The following IL33 variants were observed in gnomAD, a reference collection of about 807,000 sequenced individuals.
IL33 encodes interleukin-33.
IL33 carries 37 observed loss-of-function variants against 27.3 expected under a neutral mutation model. The observed-to-expected ratio is 1.36, with a 90% CI of 1.04 to 1.78. The LOEUF (loss-of-function observed/expected upper bound fraction) is 1.78. IL33 is among the 40% of genes most tolerant of loss of function. The pLI is 0.00. For missense variants in IL33, 406 were observed against 311.4 expected (o/e 1.30, Z -2.29); for synonymous variants, 132 against 102.9 (o/e 1.28, Z -1.71).
intron 2 of IL33, chr9:6,242,211 G>A (rs551848946): frequency 4.6e-5 from 7 of 152,652 alleles, no homozygotes; most frequent in South Asian, 2.1e-4. Context: ...CTTAACTTGC[G>A]ACTACTGATG....
chr9:6,218,600 A>G (rs1051634624), intron 1 of IL33, among the ~76,000 whole-genome samples: 1 of 149,480 alleles, frequency 6.7e-6, no homozygotes, highest in African/African-American at 2.4e-5. Flanking sequence ...ATATGCATAT[A>G]TATATATACA....
At chr9:6,243,241 G>A (rs1364449327) in intron 2 of IL33, among the ~76,000 whole-genome samples, 1 of 152,198 alleles carries the variant, frequency 6.6e-6, no homozygotes, top group East Asian at 1.9e-4. Flanking sequence ...AGAGTTTGTA[G>A]TAAGACAGAA....
chr9:6,257,680 C>T lies in IL33; in HGVS notation c.*1512C>T, dbSNP rs12057079. 1 of 152,310 alleles carries T rather than the reference C, an allele frequency of 6.6e-6. No individual in the cohort carries two copies. The highest frequency in any genetic ancestry group is 1.5e-5 in the Non-Finnish European group (1 of 68,008). 9.4% of individuals were successfully genotyped at this position (152,310 alleles called of 1,614,324 possible). ...ATATGACCTTTTCTGAAAATACATACTTTTACATTTCTACTTTATTGAGAC... is the reference window on the plus strand; with the variant it reads ...ATATGACCTTTTCTGAAAATACATATTTTTACATTTCTACTTTATTGAGAC... On this transcript the variant is annotated 3_prime_UTR_variant, in exon 8 of 8. Coordinates refer to ENST00000682010, the MANE Select transcript of IL33 (RefSeq NM_033439.4).
intron 2 of IL33, among the ~76,000 whole-genome samples, chr9:6,245,969 A>G (rs1293336439): frequency 7.0e-6 from 1 of 143,706 alleles, no homozygotes; most frequent in Admixed American, 7.1e-5. Flanking sequence ...AGGCTGAGGC[A>G]GGAGAATGGC....
intron 7 of IL33, among the ~76,000 whole-genome samples, chr9:6,255,093 A>G (rs889353611): frequency 6.6e-6 from 1 of 152,184 alleles, no homozygotes; most frequent in African/African-American, 2.4e-5. Context: ...CCTAACATCT[A>G]CATTCTGAAC....
chr9:6,247,371 G>T (rs1168167582), intron 2 of IL33, among the ~76,000 whole-genome samples: 4 of 152,168 alleles, frequency 2.6e-5, no homozygotes, highest in Non-Finnish European at 4.4e-5. Flanking sequence ...CAGGTCAAGG[G>T]TAGTAAGCAG....
At chr9:6,228,174 G>T (rs1291758405) in intron 1 of IL33, among the ~76,000 whole-genome samples, 2 of 152,180 alleles carry the variant, frequency 1.3e-5, no homozygotes, top group African/African-American at 2.4e-5. Flanking sequence ...GGAGAGCTAG[G>T]CATGGTGGCT....
intron 1 of IL33, among the ~76,000 whole-genome samples, chr9:6,221,827 A>T (rs367877380): frequency 1.3e-4 from 20 of 151,938 alleles, no homozygotes; most frequent in South Asian, 2.1e-4. Context: ...CTCAAGAAGA[A>T]GTCATATCTG....
intron 1 of IL33, among the ~76,000 whole-genome samples, chr9:6,223,612 G>C (rs1211500109): frequency 6.6e-6 from 1 of 151,884 alleles, no homozygotes; most frequent in Non-Finnish European, 1.5e-5. Flanking sequence ...CAACCATAAA[G>C]ATATTATTAA....
intron 1 of IL33, among the ~76,000 whole-genome samples, chr9:6,240,236 T>C (rs10815392): frequency 0.22 from 33,707 of 152,016 alleles, 3,992 homozygotes; most frequent in African/African-American, 0.27. Flanking sequence ...TGGTGTGCAT[T>C]TTGGTTTTAT....
chr9:6,228,510 T>C (rs900230270), intron 1 of IL33, among the ~76,000 whole-genome samples: 6 of 151,902 alleles, frequency 3.9e-5, no homozygotes, highest in African/African-American at 1.5e-4. Context: ...TGTTCCATGT[T>C]GTTTTTTTTT....
Position 6,250,462 on chromosome 9 carries a change from T to G in IL33, c.92-12T>G. ...GGAATGAAACAGTCTCACAAGTTTT[T>G]CAATTGTTTAGAATCCCAACAGAAG... On this transcript the variant is annotated splice_polypyrimidine_tract_variant and intron_variant, in intron 2 of 7. Transcript: ENST00000682010. The G allele has an allele frequency of 3.7e-6, 6 of 1,611,294 alleles. No individual in the cohort carries two copies. The highest frequency in any genetic ancestry group is 5.1e-6 in the Non-Finnish European group (6 of 1,178,808).
At chr9:6,232,896 A>G (rs914314915) in intron 1 of IL33, among the ~76,000 whole-genome samples, 8 of 152,214 alleles carry the variant, frequency 5.3e-5, no homozygotes, top group Non-Finnish European at 1.5e-5. Context: ...TCTCTCTAAG[A>G]TAAGGAACAC....
intron 2 of IL33, among the ~76,000 whole-genome samples, chr9:6,244,935 T>C (rs757550281): frequency 2.6e-4 from 39 of 152,324 alleles, no homozygotes; most frequent in Non-Finnish European, 5.0e-4. Context: ...CAGTCCCACA[T>C]TGTGGTCACC....
Position 6,256,628 on chromosome 9 carries a change from C to G in IL33, c.*460C>G, listed in dbSNP as rs772500031. On this transcript the variant is annotated 3_prime_UTR_variant, in exon 8 of 8. Transcript: ENST00000682010. ...ACTAGAGCTGCTAGTAAAAAGAAGA[C>G]CAGATGCTTCACAGAATTATCATTT... The G allele has an allele frequency of 3.6e-6, 1 of 280,712 alleles. No individual in the cohort carries two copies. The highest frequency in any genetic ancestry group is 6.6e-6 in the Non-Finnish European group (1 of 152,042). The allele number at this position is 280,712 out of a possible 1,614,324, so 17.4% of individuals were successfully genotyped here. A position where few individuals can be genotyped will look rare whatever the true frequency, so the allele number is the denominator to read the frequency against.
Position 6,256,246 on chromosome 9 carries a change from C to A in IL33, c.*78C>A. The A allele has an allele frequency of 1.0e-6, 1 of 1,004,174 alleles. No homozygotes were observed. The highest frequency in any genetic ancestry group is 1.5e-6 in the Non-Finnish European group (1 of 647,316). The allele number at this position is 1,004,174 out of a possible 1,614,324, so 62.2% of individuals were successfully genotyped here. A position where few individuals can be genotyped will look rare whatever the true frequency, so the allele number is the denominator to read the frequency against. ...AAGGAATGAGAGATAAAGAAAGAGA[C>A]AGGTGACATCTAAGGGAAATGAAGA... On this transcript the variant is annotated 3_prime_UTR_variant, in exon 8 of 8. Transcript: ENST00000682010.
chr9:6,252,970 T>G lies in IL33; in HGVS notation c.448T>G (p.Leu150Val). ...AAGTTATGAGATATATGTTGAAGAC[T>G]TGAAAAAAGATGAAAAGAAAGGTAG... ...DESYEIYVEDLKKDEKKDKVL... is the reference protein window; with the variant it reads ...DESYEIYVEDVKKDEKKDKVL... The change falls in exon 5 of 8, where the codon TTG becomes GTG. Residue 150 changes from leucine to valine, a missense_variant. Leu to Val is a conservative substitution (Grantham distance 32). Coordinates refer to ENST00000682010, the MANE Select transcript of IL33 (RefSeq NM_033439.4). 1 of 1,548,920 alleles carries G rather than the reference T, an allele frequency of 6.5e-7. No individual in the cohort carries two copies. The highest frequency in any genetic ancestry group is 8.8e-7 in the Non-Finnish European group (1 of 1,137,290).
Position 6,252,922 on chromosome 9 carries a change from A to C in IL33, c.400A>C (p.Ile134Leu), listed in dbSNP as rs1816491653. 1 of 1,604,858 alleles carries C rather than the reference A, an allele frequency of 6.2e-7. No individual in the cohort carries two copies. Among genetic ancestry groups the C allele is most frequent in the South Asian group, 1.1e-5 (1 of 90,156 alleles). The change falls in exon 5 of 8, where the codon ATT becomes CTT. Residue 134 changes from isoleucine to leucine, a missense_variant. Transcript: ENST00000682010. ...ASLSTYNDQS[I>L]TFALEDESYE... ...TCTAAGCACATACAATGATCAATCC[A>C]TTACTTTTGCTTTGGAGGATGAAAG...
rs368653702 is a variant in IL33 at position 6,254,496 on chromosome 9, C to A, written c.555C>A (p.Thr185=). 1 of 1,596,924 alleles carries A rather than the reference C, an allele frequency of 6.3e-7. No individual in the cohort carries two copies. Among genetic ancestry groups the A allele is most frequent in the Non-Finnish European group, 8.5e-7 (1 of 1,169,682 alleles). Residue 185 remains threonine, a synonymous_variant, in exon 7 of 8, where the codon ACC becomes ACA. Transcript: ENST00000682010. The part of the protein sequence containing the change: ...DGVDGKMLMV[T]LSPTKDFWLH... ...TTGATGGTAAGATGTTAATGGTAAC[C>A]CTGAGTCCTACAAAAGACTTCTGGT...
Sources: gnomAD v4.1 joint callset for allele counts (sites outside exome capture counted in the v4.1 genomes callset) on GRCh38, gnomAD v4.1.1 for gene constraint, MANE v1.5 for transcripts, NCBI Gene and HGNC (gene_info 2026-07-23, HGNC 2026-07-21) for gene names.